The following DDR2 variants were observed in gnomAD, a reference collection of about 807,000 sequenced individuals.
DDR2 encodes the protein discoidin domain receptor tyrosine kinase 2, also known as discoidin domain-containing receptor 2.
A neutral mutation model predicts 94.9 loss-of-function variants in DDR2; 27 were observed. The observed-to-expected ratio is 0.28, with a 90% confidence interval of 0.21 to 0.39. DDR2 has a LOEUF of 0.39. Among genes scored for constraint, DDR2 ranks in the 10% least tolerant of loss-of-function variants. The pLI is 1.00. For missense variants in DDR2, 783 were observed against 1,076.0 expected (o/e 0.73, Z 3.81); for synonymous variants, 382 against 377.2 (o/e 1.01, Z -0.15).
In DDR2 at chr1:162,759,940, G is replaced by A. The variant is rs2102150792; in HGVS notation, c.816G>A (p.Met272Ile). The A allele has an allele frequency of 6.2e-7, 1 of 1,614,170 alleles. No individual in the cohort carries two copies. ...CCACCAATGGCTACATTGAGATCAT[G>A]TTTGAATTTGACCGCATCAGGAATT... ...ESATNGYIEI[M>I]FEFDRIRNFT... is the part of the protein sequence containing the mutation. The change falls in exon 8 of 18, where the codon ATG becomes ATA. Residue 272 changes from methionine (M) to isoleucine (I), a missense_variant. By Grantham distance (10) the Met-to-Ile change is conservative. Around this residue, in one of 2 missense-constraint regions of DDR2, gnomAD observed 519 missense variants for 647.9 expected, o/e 0.80. Transcript: ENST00000367921.
intron 3 of DDR2, among the ~76,000 whole-genome samples, chr1:162,730,715 C>T (rs16844155): frequency 0.014 from 2,115 of 152,266 alleles, 31 homozygotes; most frequent in African/African-American, 0.037. Flanking sequence ...CTCCCACGTG[C>T]TCTCTTTCCT....
At chr1:162,664,513 A>T (rs1374373551) in intron 2 of DDR2, among the ~76,000 whole-genome samples, 1 of 152,174 alleles carries the variant, frequency 6.6e-6, no homozygotes, top group African/African-American at 2.4e-5. Flanking sequence ...TAAATATATA[A>T]GTTATAAGCC....
chr1:162,727,953 A>G (rs1661779389), intron 3 of DDR2, among the ~76,000 whole-genome samples: 1 of 40,718 alleles, frequency 2.5e-5, no homozygotes, highest in Non-Finnish European at 9.1e-5. Context: ...CAATCACACT[A>G]TATATATCTA....
At chr1:162,772,291 T>G (rs780412564) in intron 13 of DDR2, 44 bp downstream of exon 13, 1 of 1,590,366 alleles carries the variant, frequency 6.3e-7, no homozygotes, top group Admixed American at 1.7e-5. Context: ...AGAAGGTGGT[T>G]GGATAAAAAT....
chr1:162,650,927 T>C (rs1657657716), intron 1 of DDR2, among the ~76,000 whole-genome samples: 2 of 152,066 alleles, frequency 1.3e-5, no homozygotes, highest in Non-Finnish European at 2.9e-5. Flanking sequence ...CATGTTTTCA[T>C]CATGTTGGCC....
At chr1:162,758,085 T>A (rs999999371) in intron 7 of DDR2, among the ~76,000 whole-genome samples, 1 of 152,116 alleles carries the variant, frequency 6.6e-6, no homozygotes, top group Admixed American at 6.6e-5. Context: ...TGGATTTAGT[T>A]TGGAGTGTAG....
At chr1:162,777,063 G>A (rs1258318317) in intron 16 of DDR2, among the ~76,000 whole-genome samples, 1 of 151,964 alleles carries the variant, frequency 6.6e-6, no homozygotes, top group East Asian at 1.9e-4. Context: ...GACCAATTTG[G>A]TTTTGTTCAT....
At chr1:162,724,919 G>A (rs750261647) in intron 3 of DDR2, among the ~76,000 whole-genome samples, 7 of 152,196 alleles carry the variant, frequency 4.6e-5, no homozygotes, top group Non-Finnish European at 7.3e-5. Context: ...TTGCTTGTGT[G>A]TTTGTTTTTT....
intron 2 of DDR2, among the ~76,000 whole-genome samples, chr1:162,698,924 G>C (rs529388387): frequency 6.6e-6 from 1 of 152,174 alleles, no homozygotes; most frequent in Non-Finnish European, 1.5e-5. Context: ...AGGCAGATCA[G>C]CATGCCTTCC....
chr1:162,685,460 C>G (rs1659639252), intron 2 of DDR2, among the ~76,000 whole-genome samples: 1 of 152,062 alleles, frequency 6.6e-6, no homozygotes, highest in African/African-American at 2.4e-5. Context: ...TACAAACTAG[C>G]TTTTTAGACT....
chr1:162,686,584 A>G (rs1558026512), intron 2 of DDR2, among the ~76,000 whole-genome samples: 1 of 152,180 alleles, frequency 6.6e-6, no homozygotes, highest in Non-Finnish European at 1.5e-5. Context: ...TCCATGGTAT[A>G]TATGTGCCAC....
At chr1:162,762,121 A>G (rs766880702) in intron 9 of DDR2, among the ~76,000 whole-genome samples, 1 of 152,228 alleles carries the variant, frequency 6.6e-6, no homozygotes, top group Non-Finnish European at 1.5e-5. Context: ...TCAAATAAGG[A>G]TCAAAATAAG....
chr1:162,780,517 T>C lies in DDR2; in HGVS notation c.*271T>C. 3 of 418,970 alleles carry C rather than the reference T, an allele frequency of 7.2e-6. No homozygotes were observed. The highest frequency in any genetic ancestry group is 8.6e-6 in the Non-Finnish European group (2 of 233,588). 26.0% of individuals were successfully genotyped at this position (418,970 alleles called of 1,614,324 possible). On this transcript the variant is annotated 3_prime_UTR_variant, in exon 18 of 18. Transcript: ENST00000367921. ...AGAAAATCTTTGATATACCAAAGTG[T>C]TGGATAACAAAGGCTAGAAAATTCA...
rs1157549226 is a variant in DDR2, at chr1:162,730,058, C to CAA, written c.82+10929_82+10930dup. Among the ~76,000 whole-genome samples, 333 of 64,086 alleles carry CAA rather than the reference C, an allele frequency of 5.2e-3. 1 individual carries two copies. Among genetic ancestry groups the CAA allele is most frequent in the East Asian group, 0.032 (72 of 2,276 alleles). The allele number at this position is 64,086 out of a possible 152,430, so 42.0% of individuals were successfully genotyped here. On this transcript the variant is annotated intron_variant, in intron 3 of 17. Transcript: ENST00000367921. Reference sequence around the variant, plus strand: ...TGCCTGGCTTTTTTTTTTTTTTTTGCAAAAAAAAAAAAAAAAATCTAAATG... The same window carrying CAA: ...TGCCTGGCTTTTTTTTTTTTTTTTGCAAAAAAAAAAAAAAAAAAATCTAAATG...
At chr1:162,685,048 G>C (rs766210403) in intron 2 of DDR2, among the ~76,000 whole-genome samples, 1 of 152,138 alleles carries the variant, frequency 6.6e-6, no homozygotes, top group Non-Finnish European at 1.5e-5. Context: ...GAATTCTGGA[G>C]ATAAATTTTC....
At chr1:162,707,962 G>T (rs1271322304) in intron 2 of DDR2, among the ~76,000 whole-genome samples, 3 of 152,082 alleles carry the variant, frequency 2.0e-5, no homozygotes, top group Non-Finnish European at 4.4e-5. Context: ...TTAGTACCTG[G>T]CTGTTTTAGA....
chr1:162,658,191 G>A (rs1034150451), intron 2 of DDR2, among the ~76,000 whole-genome samples: 6 of 152,162 alleles, frequency 3.9e-5, no homozygotes, highest in Admixed American at 1.3e-4. Context: ...GTCTCTGGTC[G>A]GAGGTCCTGG....
intron 2 of DDR2, among the ~76,000 whole-genome samples, chr1:162,696,363 G>A (rs1660191563): frequency 6.6e-6 from 1 of 152,084 alleles, no homozygotes; most frequent in African/African-American, 2.4e-5. Context: ...CTGGAAAGGA[G>A]GAGAGCAGGA....
chr1:162,683,397 G>C (rs1309066906), intron 2 of DDR2, among the ~76,000 whole-genome samples: 1 of 151,996 alleles, frequency 6.6e-6, no homozygotes, highest in East Asian at 1.9e-4. Flanking sequence ...AAGATGACAT[G>C]ATTGCCTACA....
Sources: allele counts gnomAD v4.1 joint callset (sites outside exome capture counted in the v4.1 genomes callset), GRCh38; gene constraint gnomAD v4.1.1; regional missense constraint gnomAD v4.1.1; transcripts MANE v1.5; gene names NCBI Gene and HGNC (gene_info 2026-07-23, HGNC 2026-07-21).